Variants in ZBED6 observed in about 807,000 individuals in gnomAD.
The protein encoded by ZBED6 is zinc finger BED domain-containing protein 6.
Under a neutral mutation model 58.4 loss-of-function variants are expected in ZBED6, and 40 were observed. The observed-to-expected ratio is 0.68, with a 90% CI of 0.53 to 0.89. The LOEUF is 0.89. ZBED6 is among the 40% of genes least tolerant of loss of function. ZBED6 has a pLI of 0.00. For missense variants in ZBED6, 1,057 were observed against 1,003.9 expected (o/e 1.05, Z -0.71); for synonymous variants, 439 against 350.6 (o/e 1.25, Z -2.82).
intron 10 of ZBED6, among the ~76,000 whole-genome samples, chr1:203,838,954 C>CAAA (rs59033094): frequency 8.9e-4 from 87 of 97,526 alleles, no homozygotes; most frequent in African/African-American, 1.2e-3. Context: ...GACTTCATCT[C>CAAA]AAAAAAAAAA....
intron 1 of ZBED6, among the ~76,000 whole-genome samples, chr1:203,806,547 C>T (rs556273888): frequency 5.3e-5 from 8 of 152,258 alleles, no homozygotes; most frequent in African/African-American, 1.9e-4. Flanking sequence ...AAGTGATCAG[C>T]CCACCTAGGC....
chr1:203,832,408 T>G (rs1682687645), intron 8 of ZBED6, among the ~76,000 whole-genome samples: 1 of 151,676 alleles, frequency 6.6e-6, no homozygotes, highest in South Asian at 2.1e-4. Flanking sequence ...TCGCCCAGGC[T>G]AAAGTGCAAT....
At chr1:203,827,450 G>A (rs956620827) in intron 3 of ZBED6, among the ~76,000 whole-genome samples, 2 of 151,706 alleles carry the variant, frequency 1.3e-5, no homozygotes, top group Non-Finnish European at 2.9e-5. Flanking sequence ...GGAGGCTGAG[G>A]CGGGCGGATC....
At chr1:203,840,830 C>T (rs1469739926) in intron 11 of ZBED6, among the ~76,000 whole-genome samples, 1 of 151,966 alleles carries the variant, frequency 6.6e-6, no homozygotes, top group Non-Finnish European at 1.5e-5. Context: ...GACGGGGTTT[C>T]ACCATGTTGG....
At chr1:203,816,421 C>T (rs1431747589) in intron 1 of ZBED6, among the ~76,000 whole-genome samples, 1 of 152,052 alleles carries the variant, frequency 6.6e-6, no homozygotes, top group Non-Finnish European at 1.5e-5. Context: ...GGCAGGAGTT[C>T]AAGACCAGAC....
rs767522117 is a variant in ZBED6 at position 203,829,731 on chromosome 1, C to G, written c.*3202-49C>G. 4.3e-6 allele frequency: 7 copies of G among 1,610,752 alleles called. No individual in the cohort carries two copies. The Admixed American group carries it at 1.2e-4, about 27-fold the overall frequency. ...GAATTGGGCAGAATCAGGATTAAAG[C>G]TATAGGCGTATTTTTAATTGTGAAT... On this transcript the variant is annotated intron_variant, in intron 5 of 16. Coordinates refer to ENST00000550078, the Ensembl canonical transcript of ZBED6.
exon 1 of ZBED6, chr1:203,796,096 C>G (rs1668383274): frequency 5.1e-6 from 1 of 194,332 alleles, no homozygotes; most frequent in African/African-American, 2.4e-5. Context: ...TCCCCTCCCC[C>G]ACATCCGGTG....
intron 3 of ZBED6, among the ~76,000 whole-genome samples, chr1:203,821,912 C>T (rs911331477): frequency 1.3e-5 from 2 of 152,038 alleles, no homozygotes; most frequent in Non-Finnish European, 2.9e-5. Flanking sequence ...TGCCCGCCAC[C>T]ACGCCCGGCT....
chr1:203,825,983 A>G lies in ZBED6; in HGVS notation c.*2874-2316A>G, dbSNP rs547191952. Among the ~76,000 whole-genome samples, 10 of 152,358 alleles carry G rather than the reference A, an allele frequency of 6.6e-5. No homozygotes were observed. The South Asian group carries it at 1.0e-3, about 16-fold the overall frequency. ...AATAAATGTCATGTGACTTCTGTGT[A>G]TAGAAGATACTGTTACAGAAGTCAT... On this transcript the variant is annotated intron_variant, in intron 3 of 16. Coordinates refer to ENST00000550078, the Ensembl canonical transcript of ZBED6.
At chr1:203,826,899 C>T (rs1680702981) in intron 3 of ZBED6, among the ~76,000 whole-genome samples, 2 of 152,134 alleles carry the variant, frequency 1.3e-5, no homozygotes, top group Non-Finnish European at 2.9e-5. Context: ...ATTATACTTA[C>T]TTGATCAGCA....
chr1:203,814,601 G>A (rs12046517), intron 1 of ZBED6, among the ~76,000 whole-genome samples: 28,712 of 151,858 alleles, frequency 0.19, 3,216 homozygotes, highest in East Asian at 0.45. Context: ...CTCACCATAA[G>A]TACCTTAAGT....
At chr1:203,839,932 T>C (rs913489677) in intron 10 of ZBED6, among the ~76,000 whole-genome samples, 1 of 151,300 alleles carries the variant, frequency 6.6e-6, no homozygotes, top group Non-Finnish European at 1.5e-5. Flanking sequence ...GCCTCCAGAG[T>C]ATCTGAGATT....
chr1:203,851,897 AG>A (rs1689374674), intron 16 of ZBED6, among the ~76,000 whole-genome samples: 1 of 133,426 alleles, frequency 7.5e-6, no homozygotes, highest in Admixed American at 9.1e-5. Context: ...TGAGCCCAGG[AG>A]GTCGAGGCTG....
At chr1:203,826,535 C>G (rs1420553688) in intron 3 of ZBED6, among the ~76,000 whole-genome samples, 1 of 152,072 alleles carries the variant, frequency 6.6e-6, no homozygotes, top group Non-Finnish European at 1.5e-5. Context: ...TTGAGACTGC[C>G]TGATTCTTCC....
intron 11 of ZBED6, among the ~76,000 whole-genome samples, chr1:203,843,307 A>G (rs1686988256): frequency 6.6e-6 from 1 of 152,234 alleles, no homozygotes. Flanking sequence ...TTGAATCTAA[A>G]GATTTGTCTT....
At position 203,847,566 on chromosome 1, in the gene ZBED6, A is replaced by G. The variant is rs552383393; in HGVS notation, c.*4124A>G. ...AGGAGGTGCACATCAAGACGCTGGA[A>G]GAAATTAAACTGGAGAAGGCACTGA... is the stretch of plus-strand genomic sequence containing the variant. On this transcript the variant is annotated 3_prime_UTR_variant, in exon 12 of 17. Transcript: ENST00000550078. 110 of 1,613,920 alleles carry G rather than the reference A, an allele frequency of 6.8e-5. 1 individual carries two copies. In the South Asian group the frequency reaches 1.1e-3, roughly 17 times the overall value.
chr1:203,834,100 A>G lies in ZBED6; in HGVS notation c.*3573+247A>G, dbSNP rs1325264079. ...TTTTGGAAGGAACTAGATTTTAAAA[A>G]TGGTAAAGAACACCTCTATTTCTCT... On this transcript the variant is annotated intron_variant, in intron 9 of 16. Coordinates refer to ENST00000550078, the Ensembl canonical transcript of ZBED6. The G allele has an allele frequency of 3.4e-6, 4 of 1,165,898 alleles. No homozygotes were observed. The East Asian group carries it at 1.6e-4, about 47-fold the overall frequency. 72.2% of individuals were successfully genotyped at this position (1,165,898 alleles called of 1,614,324 possible).
In ZBED6 at chr1:203,842,405, C is replaced by T. The variant is rs536836317; in HGVS notation, c.*3741+2031C>T. Among the ~76,000 whole-genome samples the T allele has an allele frequency of 1.1e-3, 170 of 152,228 alleles. 1 individual carries two copies. The highest frequency in any genetic ancestry group is 3.9e-3 in the African/African-American group (162 of 41,528). On this transcript the variant is annotated intron_variant, in intron 11 of 16. Transcript: ENST00000550078. The stretch of plus-strand genomic sequence containing the variant: ...CGCGGTCAGGAGCTGGAGACCAGCC[C>T]GGCCAACACGGCGAAACCCCGTCTC...
chr1:203,797,802 C>T (rs904831183), exon 1 of ZBED6: 6 of 1,535,912 alleles, frequency 3.9e-6, no homozygotes, highest in Non-Finnish European at 8.7e-7. Context: ...ATCTGGGAGG[C>T]CTGTTGCAGA....
Sources: gnomAD v4.1 joint callset for allele counts (sites outside exome capture counted in the v4.1 genomes callset) on GRCh38, gnomAD v4.1.1 for gene constraint, MANE v1.5 for transcripts, NCBI Gene and HGNC (gene_info 2026-07-23, HGNC 2026-07-21) for gene names.